The following APBB2 variants were observed in gnomAD, a reference collection of about 807,000 sequenced individuals.
APBB2 encodes the protein Fe65-like 1.
APBB2 carries 38 observed loss-of-function variants against 82.5 expected under a neutral mutation model. The ratio of observed to expected loss-of-function variants is 0.46; its 90% CI spans 0.36 to 0.60. The LOEUF (loss-of-function observed/expected upper bound fraction) is 0.60. APBB2 is among the 20% of genes least tolerant of loss of function. The probability of loss-of-function intolerance (pLI) is 0.00; values close to 1 mark genes in which losing one functional copy is unlikely to be tolerated. For missense variants in APBB2, 772 were observed against 972.3 expected (o/e 0.79, Z 2.74); for synonymous variants, 341 against 368.2 (o/e 0.93, Z 0.85).
At chr4:40,880,178 A>G (rs2154345423) in intron 12 of APBB2, 2 of 985,422 alleles carry the variant, frequency 2.0e-6, no homozygotes, top group South Asian at 4.7e-5. Context: ...GAAGAGGCAC[A>G]ATTACATTGC....
intron 1 of APBB2, among the ~76,000 whole-genome samples, chr4:41,171,386 G>A (rs1331900907): frequency 6.6e-6 from 1 of 151,024 alleles, no homozygotes; most frequent in African/African-American, 2.5e-5. Context: ...TCCTTGCAAA[G>A]GTAACAGGTG....
At chr4:40,897,858 T>C (rs1205530893) in intron 10 of APBB2, among the ~76,000 whole-genome samples, 2 of 152,090 alleles carry the variant, frequency 1.3e-5, no homozygotes, top group East Asian at 3.9e-4. Context: ...GCGTAATCAG[T>C]TCTGGGAATA....
At chr4:41,171,763 A>T (rs1768322408) in intron 1 of APBB2, among the ~76,000 whole-genome samples, 1 of 152,220 alleles carries the variant, frequency 6.6e-6, no homozygotes. Flanking sequence ...GTTCAAGACC[A>T]GTCTGGCCAA....
intron 5 of APBB2, among the ~76,000 whole-genome samples, chr4:41,029,666 T>C (rs1186349618): frequency 6.6e-6 from 1 of 152,144 alleles, no homozygotes; most frequent in Non-Finnish European, 1.5e-5. Flanking sequence ...CAAAACAACA[T>C]GTTGTACACA....
At chr4:41,207,650 C>T (rs866254542) in intron 1 of APBB2, among the ~76,000 whole-genome samples, 4 of 152,144 alleles carry the variant, frequency 2.6e-5, no homozygotes, top group African/African-American at 7.2e-5. Context: ...TAGTCACTGG[C>T]TCCTAGGGCA....
rs1448051761 is a variant in APBB2 at position 40,810,843 on chromosome 4, G to GA, written c.*5248dup. 2 of 152,172 alleles carry GA rather than the reference G, an allele frequency of 1.3e-5. No individual in the cohort carries two copies. The highest frequency in any genetic ancestry group is 6.5e-5 in the Admixed American group (1 of 15,278). The allele number at this position is 152,172 out of a possible 1,614,324, so 9.4% of individuals were successfully genotyped here. A position where few individuals can be genotyped will look rare whatever the true frequency, so the allele number is the denominator to read the frequency against. ...TGGTTAGGGTAGTCCATGCCTCAAG[G>GA]AAGGCGGTGCAGCTTAATTTAACAT... On this transcript the variant is annotated 3_prime_UTR_variant, in exon 18 of 18. Transcript: ENST00000508593.
intron 6 of APBB2, among the ~76,000 whole-genome samples, chr4:40,991,972 TCCC>T (rs1802221369): frequency 6.6e-6 from 1 of 151,796 alleles, no homozygotes; most frequent in Non-Finnish European, 1.5e-5. Context: ...TCCCTCCTCC[TCCC>T]CATCTCTCTC....
At chr4:41,177,692 T>A (rs1461961389) in intron 1 of APBB2, 1 of 152,232 alleles carries the variant, frequency 6.6e-6, no homozygotes, top group Non-Finnish European at 1.5e-5. Context: ...TTTCCCTGTC[T>A]GTAAAATGAG....
intron 4 of APBB2, among the ~76,000 whole-genome samples, chr4:41,056,442 G>A (rs1275620337): frequency 6.6e-6 from 1 of 152,112 alleles, no homozygotes; most frequent in East Asian, 1.9e-4. Flanking sequence ...TGTCCTGTTG[G>A]AGGAAGATGA....
At chr4:40,939,528 T>C (rs979885880) in intron 7 of APBB2, among the ~76,000 whole-genome samples, 14 of 152,218 alleles carry the variant, frequency 9.2e-5, no homozygotes, top group African/African-American at 3.1e-4. Flanking sequence ...TGATAGTAAA[T>C]GGCAGAAAAC....
At chr4:41,017,374 TG>T (rs1447918275) in intron 5 of APBB2, among the ~76,000 whole-genome samples, 1 of 152,156 alleles carries the variant, frequency 6.6e-6, no homozygotes, top group African/African-American at 2.4e-5. Flanking sequence ...AGGAAGTCCT[TG>T]GGCTCAAAAG....
intron 12 of APBB2, among the ~76,000 whole-genome samples, chr4:40,846,154 A>G (rs2154318771): frequency 6.6e-6 from 1 of 152,052 alleles, no homozygotes; most frequent in East Asian, 1.9e-4. Flanking sequence ...TGAGAGTGCC[A>G]TAAAATTCCA....
At chr4:40,846,085 C>G (rs1757543828) in intron 12 of APBB2, among the ~76,000 whole-genome samples, 1 of 151,026 alleles carries the variant, frequency 6.6e-6, no homozygotes, top group South Asian at 2.1e-4. Flanking sequence ...GGGCCCTTAG[C>G]CTCTTTGTTT....
intron 6 of APBB2, among the ~76,000 whole-genome samples, chr4:40,968,114 G>A (rs1367587788): frequency 6.6e-6 from 1 of 152,204 alleles, no homozygotes; most frequent in Admixed American, 6.5e-5. Context: ...AGCACTTACT[G>A]TGTATCAGCA....
intron 12 of APBB2, among the ~76,000 whole-genome samples, chr4:40,849,169 G>C (rs1758534711): frequency 6.6e-6 from 1 of 152,188 alleles, no homozygotes; most frequent in Non-Finnish European, 1.5e-5. Context: ...GCTCATCACA[G>C]ACAGCGCTTT....
At chr4:40,923,518 G>C (rs570917507) in intron 10 of APBB2, among the ~76,000 whole-genome samples, 1 of 152,294 alleles carries the variant, frequency 6.6e-6, no homozygotes, top group South Asian at 2.1e-4. Flanking sequence ...GCCCGAGGCT[G>C]TTCAGTTCTG....
intron 6 of APBB2, among the ~76,000 whole-genome samples, chr4:40,991,191 TTTTTTTG>T (rs1162987444): frequency 7.1e-6 from 1 of 140,720 alleles, no homozygotes; most frequent in Non-Finnish European, 1.6e-5. Flanking sequence ...TTTTTTTTTT[TTTTTTTG>T]TAGAAATGAG....
chr4:41,101,952 C>T (rs1580049618), intron 2 of APBB2, among the ~76,000 whole-genome samples: 1 of 150,100 alleles, frequency 6.7e-6, no homozygotes, highest in African/African-American at 2.4e-5. Flanking sequence ...GTGCGAGACT[C>T]CATCTCAAAA....
intron 1 of APBB2, among the ~76,000 whole-genome samples, chr4:41,199,069 T>C (rs529981054): frequency 1.3e-4 from 20 of 152,352 alleles, no homozygotes; most frequent in African/African-American, 4.3e-4. Flanking sequence ...CTATCCAGTA[T>C]GACCTCACCT....
Sources: gnomAD v4.1 joint callset for allele counts (sites outside exome capture counted in the v4.1 genomes callset) on GRCh38, gnomAD v4.1.1 for gene constraint, MANE v1.5 for transcripts, NCBI Gene and HGNC (gene_info 2026-07-23, HGNC 2026-07-21) for gene names.